NEDD4: variants seen among roughly 807,000 people sequenced by gnomAD.
NEDD4 encodes the protein NEDD4 E3 ubiquitin protein ligase, also known as E3 ubiquitin-protein ligase NEDD4.
A neutral mutation model predicts 144.9 loss-of-function variants in NEDD4; 99 were observed. The ratio of observed to expected loss-of-function variants is 0.68; its 90% CI spans 0.58 to 0.81. NEDD4 has a LOEUF of 0.81. Among genes scored for constraint, NEDD4 ranks in the 30% least tolerant of loss-of-function variants. The pLI is 0.00. For missense variants in NEDD4, 985 were observed against 1,065.9 expected (o/e 0.92, Z 1.06); for synonymous variants, 318 against 350.6 (o/e 0.91, Z 1.04).
chr15:55,846,844 T>C (rs2033768361), intron 18 of NEDD4, 125 bp downstream of exon 18: 2 of 536,140 alleles, frequency 3.7e-6, no homozygotes, highest in Non-Finnish European at 6.5e-6. Flanking sequence ...ATCCTTTCTC[T>C]AGGAAAAACT....
rs532620956 is a variant in NEDD4, at chr15:55,946,460, T to C, written c.237+4916A>G. Among the ~76,000 whole-genome samples, 36 of 152,272 alleles carry C rather than the reference T, an allele frequency of 2.4e-4. No homozygotes were observed. The East Asian group carries it at 6.4e-3, about 27-fold the overall frequency. On this transcript the variant is annotated intron_variant, in intron 4 of 28. Coordinates refer to ENST00000435532, the MANE Select transcript of NEDD4 (RefSeq NM_006154.4). ...TCAATTCAACAAGAAGAGCTAACTA[T>C]CCTAAATATATATGCACCCAATACA...
At chr15:55,856,890 A>C (rs1253834488) in intron 11 of NEDD4, among the ~76,000 whole-genome samples, 1 of 152,246 alleles carries the variant, frequency 6.6e-6, no homozygotes, top group Non-Finnish European at 1.5e-5. Context: ...TACAATGCAC[A>C]TACAAATTGA....
At chr15:55,978,772 T>G (rs2037746363) in intron 1 of NEDD4, among the ~76,000 whole-genome samples, 1 of 152,130 alleles carries the variant, frequency 6.6e-6, no homozygotes, top group Non-Finnish European at 1.5e-5. Context: ...GTGGCTTTTT[T>G]GAATGACAAG....
At chr15:55,887,935 C>T (rs1333597868) in intron 5 of NEDD4, among the ~76,000 whole-genome samples, 2 of 152,164 alleles carry the variant, frequency 1.3e-5, no homozygotes, top group Admixed American at 6.5e-5. Context: ...TAAATTTCAA[C>T]ATCATTTCAT....
chr15:55,884,088 C>T (rs1374844668), intron 5 of NEDD4, among the ~76,000 whole-genome samples: 2 of 152,098 alleles, frequency 1.3e-5, no homozygotes. Flanking sequence ...CCATGTTGGC[C>T]AGGCTGGTCT....
intron 5 of NEDD4, among the ~76,000 whole-genome samples, chr15:55,922,956 A>G (rs1440431611): frequency 3.3e-5 from 5 of 152,174 alleles, no homozygotes; most frequent in African/African-American, 1.2e-4. Flanking sequence ...CCACCAATAC[A>G]AAGTTTAATT....
At chr15:55,871,735 C>A (rs1274764560) in intron 7 of NEDD4, among the ~76,000 whole-genome samples, 2 of 152,016 alleles carry the variant, frequency 1.3e-5, no homozygotes, top group Admixed American at 6.6e-5. Flanking sequence ...TTTTCAAATG[C>A]ATTTTATAGT....
chr15:55,936,996 T>C (rs1030598616), intron 4 of NEDD4, among the ~76,000 whole-genome samples: 1 of 152,136 alleles, frequency 6.6e-6, no homozygotes, highest in East Asian at 1.9e-4. Flanking sequence ...TTTCACCATA[T>C]TGGCCGGGCT....
intron 24 of NEDD4, among the ~76,000 whole-genome samples, chr15:55,837,456 G>A (rs1425416428): frequency 1.3e-5 from 2 of 150,062 alleles, no homozygotes; most frequent in African/African-American, 4.9e-5. Flanking sequence ...AAAGAAGAAA[G>A]TAAGTCACAA....
chr15:55,897,099 G>A (rs1413234042), intron 5 of NEDD4, among the ~76,000 whole-genome samples: 1 of 151,958 alleles, frequency 6.6e-6, no homozygotes, highest in African/African-American at 2.4e-5. Flanking sequence ...TCAGCCTCCC[G>A]AGTAGCTGGG....
chr15:55,916,455 G>A, intron 5 of NEDD4: 1 of 1,614,016 alleles, frequency 6.2e-7, no homozygotes, highest in Admixed American at 1.7e-5. Flanking sequence ...ATCGACCACA[G>A]CACTACTGTA....
At chr15:55,917,450 TA>T (rs1313378713) in intron 5 of NEDD4, among the ~76,000 whole-genome samples, 1 of 147,758 alleles carries the variant, frequency 6.8e-6, no homozygotes, top group Non-Finnish European at 1.5e-5. Context: ...AGTTAGTTAA[TA>T]TAGGGACTGT....
At chr15:55,838,342 A>G (rs1272158244) in intron 22 of NEDD4, among the ~76,000 whole-genome samples, 162 bp from the exon 23 acceptor site, 2 of 152,226 alleles carry the variant, frequency 1.3e-5, no homozygotes, top group African/African-American at 4.8e-5. Context: ...ATAAATATGG[A>G]ACGAGTCAAA....
intron 28 of NEDD4, among the ~76,000 whole-genome samples, chr15:55,830,204 C>T (rs1854553967): frequency 6.6e-6 from 1 of 152,224 alleles, no homozygotes; most frequent in Non-Finnish European, 1.5e-5. Context: ...GCCCCCACCA[C>T]ATCTTCCAAA....
At chr15:55,869,860 T>TAA (rs1566922473) in intron 7 of NEDD4, among the ~76,000 whole-genome samples, 179 bp from the exon 8 acceptor site, 1 of 143,306 alleles carries the variant, frequency 7.0e-6, no homozygotes, top group Non-Finnish European at 1.5e-5. Flanking sequence ...AAGGCAAACA[T>TAA]ATATAAATAA....
At chr15:55,852,690 A>AATATAT (rs59736982) in intron 12 of NEDD4, 147 bp from the exon 13 acceptor site, 310 of 184,108 alleles carry the variant, frequency 1.7e-3, no homozygotes, top group African/African-American at 8.0e-3. Context: ...CTTTTCTAGA[A>AATATAT]ATATATATAT....
intron 5 of NEDD4, among the ~76,000 whole-genome samples, chr15:55,909,121 C>G (rs1384982472): frequency 6.6e-6 from 1 of 152,190 alleles, no homozygotes; most frequent in Non-Finnish European, 1.5e-5. Context: ...GGCCTACGCT[C>G]TTTCTTCACC....
intron 4 of NEDD4, among the ~76,000 whole-genome samples, chr15:55,927,697 T>A (rs960011712): frequency 8.5e-5 from 13 of 152,094 alleles, no homozygotes; most frequent in African/African-American, 3.1e-4. Context: ...AGAAATGACA[T>A]AATTTAGGTC....
chr15:55,905,320 C>A, intron 5 of NEDD4: 1 of 454,642 alleles, frequency 2.2e-6, no homozygotes, highest in Non-Finnish European at 4.4e-6. Flanking sequence ...AGTTTCTTCT[C>A]TGGAGAAACA....
Sources: gnomAD v4.1 joint callset for allele counts (sites outside exome capture counted in the v4.1 genomes callset) on GRCh38, gnomAD v4.1.1 for gene constraint, MANE v1.5 for transcripts, NCBI Gene and HGNC (gene_info 2026-07-23, HGNC 2026-07-21) for gene names.